The following DIAPH2 variants were observed in gnomAD, a reference collection of about 807,000 sequenced individuals.
DIAPH2 encodes the protein protein diaphanous homolog 2.
DIAPH2 carries 35 observed loss-of-function variants against 92.7 expected under a neutral mutation model. The observed-to-expected ratio is 0.38, with a 90% CI of 0.29 to 0.50. The LOEUF is 0.50. DIAPH2 is among the 20% of genes least tolerant of loss of function. DIAPH2 has a pLI of 0.94. For missense variants in DIAPH2, 701 were observed against 819.5 expected, an observed-to-expected ratio of 0.86 and a Z score of 1.77; for synonymous variants, 301 against 280.4, an observed-to-expected ratio of 1.07 and a Z score of -0.73.
At chrX:96,909,132 G>A (rs777863603) in intron 5 of DIAPH2, among the ~76,000 whole-genome samples, 6 of 112,011 alleles carry the variant, frequency 5.4e-5, no homozygotes, top group Non-Finnish European at 9.4e-5. Context: ...TACTGATTCA[G>A]TAGGTCTGAG....
chrX:96,912,291 A>G, intron 5 of DIAPH2, 37 bp from the exon 6 acceptor site: 1 of 1,031,983 alleles, frequency 9.7e-7, no homozygotes, highest in Non-Finnish European at 1.3e-6. Context: ...AAAATTACTA[A>G]CTTACTTATA....
intron 5 of DIAPH2, among the ~76,000 whole-genome samples, chrX:96,900,644 T>G (rs1039377810): frequency 6.3e-5 from 7 of 111,522 alleles, no homozygotes; most frequent in Non-Finnish European, 1.1e-4. Flanking sequence ...CCTCGGTTCT[T>G]GAGGATTTTT....
At chrX:97,441,244 C>T (rs1452973001) in intron 26 of DIAPH2, among the ~76,000 whole-genome samples, 5 of 109,792 alleles carry the variant, frequency 4.6e-5, no homozygotes, top group African/African-American at 1.0e-4. Flanking sequence ...GGAGAAACCC[C>T]GTCTCTACTA....
At chrX:97,413,558 A>G (rs2069903458) in intron 25 of DIAPH2, among the ~76,000 whole-genome samples, 1 of 111,249 alleles carries the variant, frequency 9.0e-6, no homozygotes, top group Non-Finnish European at 1.9e-5. Flanking sequence ...GGCCAGGGCA[A>G]TCAGACGAGA....
At chrX:97,412,689 C>G (rs1403768276) in intron 25 of DIAPH2, among the ~76,000 whole-genome samples, 4 of 111,576 alleles carry the variant, frequency 3.6e-5, no homozygotes, top group African/African-American at 1.3e-4. Context: ...AGAGAAGAAT[C>G]AAATGGACAC....
At chrX:97,213,835 A>G (rs2067860052) in intron 22 of DIAPH2, among the ~76,000 whole-genome samples, 1 of 112,249 alleles carries the variant, frequency 8.9e-6, no homozygotes, top group Non-Finnish European at 1.9e-5. Flanking sequence ...ACACATAGTA[A>G]GGGAAACAGA....
At chrX:97,537,444 A>G (rs1308973328) in intron 26 of DIAPH2, among the ~76,000 whole-genome samples, 1 of 112,103 alleles carries the variant, frequency 8.9e-6, no homozygotes, top group African/African-American at 3.2e-5. Context: ...TTATTTAAGT[A>G]GATACGTTCA....
intron 23 of DIAPH2, among the ~76,000 whole-genome samples, chrX:97,261,431 A>G (rs1283145473): frequency 8.9e-6 from 1 of 112,351 alleles, no homozygotes. Flanking sequence ...AAAACTCTCA[A>G]TTTATGACTG....
chrX:96,715,280 TAA>T (rs1002341981), intron 1 of DIAPH2, among the ~76,000 whole-genome samples: 2 of 110,671 alleles, frequency 1.8e-5, no homozygotes, highest in Non-Finnish European at 3.8e-5. Context: ...TCAGTCCAAA[TAA>T]AAAAAAATCT....
intron 18 of DIAPH2, among the ~76,000 whole-genome samples, chrX:97,073,310 T>C (rs772910047): frequency 9.0e-6 from 1 of 111,391 alleles, no homozygotes; most frequent in South Asian, 3.7e-4. Context: ...TTGGAGGACA[T>C]AGTGAAACAT....
At chrX:96,716,074 G>A (rs985214157) in intron 1 of DIAPH2, among the ~76,000 whole-genome samples, 2 of 111,025 alleles carry the variant, frequency 1.8e-5, no homozygotes, top group Non-Finnish European at 3.8e-5. Flanking sequence ...ACACATCTCA[G>A]ATGACAACGG....
At chrX:96,912,117 A>C (rs1026659605) in intron 5 of DIAPH2, among the ~76,000 whole-genome samples, 8 of 111,456 alleles carry the variant, frequency 7.2e-5, no homozygotes, top group Non-Finnish European at 1.3e-4. Flanking sequence ...TGTAATGGGC[A>C]ATCTAAAATG....
intron 1 of DIAPH2, among the ~76,000 whole-genome samples, chrX:96,687,400 C>T (rs1437235231): frequency 9.0e-6 from 1 of 111,397 alleles, no homozygotes; most frequent in Admixed American, 9.5e-5. Flanking sequence ...CATTTAGTTC[C>T]TCAGAATTCT....
chrX:97,153,316 C>T (rs1443076583), intron 22 of DIAPH2, among the ~76,000 whole-genome samples: 3 of 111,675 alleles, frequency 2.7e-5, no homozygotes, highest in Non-Finnish European at 5.6e-5. Context: ...GGCGCTGTGG[C>T]TCACACCTGT....
intron 23 of DIAPH2, among the ~76,000 whole-genome samples, chrX:97,333,245 T>C (rs770319580): frequency 1.6e-4 from 18 of 111,857 alleles, no homozygotes; most frequent in African/African-American, 5.5e-4. Flanking sequence ...TCTTACTGCT[T>C]TGTACTTCTT....
intron 22 of DIAPH2, among the ~76,000 whole-genome samples, chrX:97,201,699 C>A: frequency 9.1e-6 from 1 of 110,281 alleles, no homozygotes; most frequent in East Asian, 2.9e-4. Flanking sequence ...GTTTGGTATA[C>A]CTGAAAGTGA....
intron 4 of DIAPH2, among the ~76,000 whole-genome samples, chrX:96,765,678 C>T (rs951757431): frequency 1.8e-5 from 2 of 110,986 alleles, no homozygotes; most frequent in Non-Finnish European, 3.8e-5. Context: ...TGTCTTGGGG[C>T]GTACCTCCTG....
intron 25 of DIAPH2, among the ~76,000 whole-genome samples, chrX:97,418,011 C>T (rs1007427673): frequency 1.8e-5 from 2 of 111,608 alleles, no homozygotes; most frequent in Non-Finnish European, 3.8e-5. Flanking sequence ...CTAACTGACT[C>T]CTGGGCAAGG....
chrX:97,132,055 G>A (rs1363151191), intron 21 of DIAPH2, among the ~76,000 whole-genome samples: 1 of 111,655 alleles, frequency 9.0e-6, no homozygotes, highest in Admixed American at 9.5e-5. Context: ...ATGCCCTGCT[G>A]GTCCGGAAGG....
Sources: gnomAD v4.1 joint callset for allele counts (sites outside exome capture counted in the v4.1 genomes callset) on GRCh38, gnomAD v4.1.1 for gene constraint, MANE v1.5 for transcripts, NCBI Gene and HGNC (gene_info 2026-07-23, HGNC 2026-07-21) for gene names.